The following DGKB variants were observed in gnomAD, a reference collection of about 807,000 sequenced individuals.
The protein encoded by DGKB is diacylglycerol kinase beta, also known as 90 kDa diacylglycerol kinase.
Under a neutral mutation model 114.3 loss-of-function variants are expected in DGKB, and 67 were observed. The ratio of observed to expected loss-of-function variants is 0.59; its 90% CI spans 0.48 to 0.72. DGKB has a LOEUF of 0.72. DGKB is among the 30% of genes least tolerant of loss of function. DGKB has a pLI of 0.00. For synonymous variants in DGKB, 398 were observed against 323.1 expected, an observed-to-expected ratio of 1.23 and a Z score of -2.49; for missense variants, 907 against 975.2, an observed-to-expected ratio of 0.93 and a Z score of 0.93.
intron 22 of DGKB, among the ~76,000 whole-genome samples, chr7:14,343,980 T>C (rs1296441628): frequency 6.8e-6 from 1 of 147,706 alleles, no homozygotes; most frequent in Non-Finnish European, 1.5e-5. Flanking sequence ...GTTACAGATG[T>C]CATATATTAT....
chr7:14,631,310 TAAAACCTGACACCCTCACAGCTGTGC>T (rs1389627364), intron 13 of DGKB, among the ~76,000 whole-genome samples: 3 of 140,302 alleles, frequency 2.1e-5, no homozygotes, highest in Non-Finnish European at 4.7e-5. Flanking sequence ...CTGAGATAGG[TAAAACCTGACACCCTCACAGCTGTGC>T]AGAATAGAGA....
intron 1 of DGKB, among the ~76,000 whole-genome samples, chr7:14,900,904 G>C (rs1208050443): frequency 6.6e-6 from 1 of 152,098 alleles, no homozygotes; most frequent in East Asian, 1.9e-4. Flanking sequence ...GTTGACTCTA[G>C]AGTATTAGGG....
At chr7:14,237,179 A>C (rs2128354971) in intron 23 of DGKB, among the ~76,000 whole-genome samples, 1 of 152,142 alleles carries the variant, frequency 6.6e-6, no homozygotes, top group South Asian at 2.1e-4. Flanking sequence ...CTTTGTTTAA[A>C]ATATATACAC....
intron 17 of DGKB, among the ~76,000 whole-genome samples, chr7:14,592,722 T>C (rs1300252558): frequency 6.6e-6 from 1 of 151,880 alleles, no homozygotes; most frequent in African/African-American, 2.4e-5. Flanking sequence ...AGTTTCACTC[T>C]ATTATATATA....
rs185254530 is a variant in DGKB at position 14,197,231 on chromosome 7, A to G, written c.2123-19080T>C. ...ACCCCCTTTTTAATAGTTTAAAAAT[A>G]CTATTGCAGTGAAACTCTTGGTACA... is the stretch of plus-strand genomic sequence containing the variant. On this transcript the variant is annotated intron_variant, in intron 23 of 25. Transcript: ENST00000402815. 3.0e-3 allele frequency among the ~76,000 whole-genome samples: 456 copies of G among 152,190 alleles called. 10 individuals are homozygous for G. In the Middle Eastern group the frequency reaches 0.031, roughly 10 times the overall value.
intron 23 of DGKB, among the ~76,000 whole-genome samples, chr7:14,236,469 A>G (rs969203236): frequency 5.9e-5 from 9 of 151,988 alleles, no homozygotes; most frequent in Non-Finnish European, 1.2e-4. Flanking sequence ...AAAGAAGAAA[A>G]AAAACTTGAA....
At chr7:14,218,941 ATT>A (rs1483851711) in intron 23 of DGKB, among the ~76,000 whole-genome samples, 49 of 151,828 alleles carry the variant, frequency 3.2e-4, no homozygotes, top group Non-Finnish European at 4.9e-4. Flanking sequence ...TCAGTCCACT[ATT>A]CTCCCAGCAA....
chr7:14,226,134 T>C (rs1433806030), intron 23 of DGKB, among the ~76,000 whole-genome samples: 2 of 151,810 alleles, frequency 1.3e-5, no homozygotes, highest in African/African-American at 4.8e-5. Flanking sequence ...CCCAAGAAGG[T>C]ATAATAGAAA....
chr7:14,467,955 G>A (rs887724841), intron 21 of DGKB, among the ~76,000 whole-genome samples: 2 of 152,016 alleles, frequency 1.3e-5, no homozygotes. Context: ...GTAAAGAAGT[G>A]TTACAACGAG....
At chr7:14,180,841 T>A (rs933736586) in intron 23 of DGKB, among the ~76,000 whole-genome samples, 1 of 152,142 alleles carries the variant, frequency 6.6e-6, no homozygotes, top group East Asian at 1.9e-4. Context: ...AACATCAGAC[T>A]TCCTCACCTC....
At chr7:14,716,899 C>T (rs190346019) in intron 6 of DGKB, among the ~76,000 whole-genome samples, 1 of 151,252 alleles carries the variant, frequency 6.6e-6, no homozygotes, top group Admixed American at 6.6e-5. Flanking sequence ...AATTCTGGGC[C>T]ATAACAAGAC....
intron 21 of DGKB, among the ~76,000 whole-genome samples, chr7:14,427,632 C>G (rs187111495): frequency 1.1e-3 from 163 of 152,230 alleles, no homozygotes; most frequent in African/African-American, 3.7e-3. Flanking sequence ...CTGGGGAGGA[C>G]TCACAATCAT....
In DGKB at chr7:14,897,564, T is replaced by A. The variant is rs1405304065; in HGVS notation, c.-188+5028A>T. ...GAACCACTTATTCTACTATTTGGGT[T>A]TTTTTCCCTCCCTAAATCTATGTTA... On this transcript the variant is annotated intron_variant, in intron 1 of 25. Transcript: ENST00000402815. Among the ~76,000 whole-genome samples, 3 of 151,904 alleles carry A rather than the reference T, an allele frequency of 2.0e-5. No individual in the cohort carries two copies. In the East Asian group the frequency reaches 5.8e-4, roughly 29 times the overall value.
chr7:14,170,597 C>T (rs900426411), intron 25 of DGKB, among the ~76,000 whole-genome samples: 5 of 152,084 alleles, frequency 3.3e-5, no homozygotes, highest in East Asian at 1.9e-4. Context: ...TTTATACAAC[C>T]TTTTCCTTTA....
At chr7:14,436,106 T>A (rs1357605282) in intron 21 of DGKB, among the ~76,000 whole-genome samples, 6 of 152,124 alleles carry the variant, frequency 3.9e-5, no homozygotes, top group Admixed American at 6.6e-5. Context: ...CATAAAGTCT[T>A]GATTATGCCA....
chr7:14,267,462 G>A (rs1038956470), intron 23 of DGKB, among the ~76,000 whole-genome samples: 1 of 147,634 alleles, frequency 6.8e-6, no homozygotes, highest in Admixed American at 6.9e-5. Context: ...GTTGTAATAA[G>A]TGCTTATTTT....
At chr7:14,959,042 T>G (rs1786685872) in intron 1 of DGKB, among the ~76,000 whole-genome samples, 1 of 152,104 alleles carries the variant, frequency 6.6e-6, no homozygotes, top group African/African-American at 2.4e-5. Context: ...TTTGGTGTTT[T>G]ATATGATATT....
At chr7:14,940,522 A>T (rs112084596) in intron 1 of DGKB, among the ~76,000 whole-genome samples, 2,908 of 152,120 alleles carry the variant, frequency 0.019, 101 homozygotes, top group African/African-American at 0.066. Flanking sequence ...GACTGCAAAA[A>T]TTTTCCTTTA....
chr7:14,492,683 T>G (rs1005917696), intron 20 of DGKB, among the ~76,000 whole-genome samples: 1 of 152,048 alleles, frequency 6.6e-6, no homozygotes, highest in Non-Finnish European at 1.5e-5. Flanking sequence ...AGGTCTGACC[T>G]TTATGCCACC....
Sources: allele counts gnomAD v4.1 joint callset (sites outside exome capture counted in the v4.1 genomes callset), GRCh38; gene constraint gnomAD v4.1.1; transcripts MANE v1.5; gene names NCBI Gene and HGNC (gene_info 2026-07-23, HGNC 2026-07-21).